Variants in EYS observed in about 807,000 individuals in gnomAD.
EYS encodes the protein protein eyes shut homolog.
EYS carries 250 observed loss-of-function variants against 282.1 expected under a neutral mutation model. That is an observed-to-expected ratio of 0.89 (90% CI 0.80 to 0.98). The LOEUF (loss-of-function observed/expected upper bound fraction) is 0.98, where lower values mean the gene tolerates loss of function less well. EYS is among the 50% of genes least tolerant of loss of function. The probability of loss-of-function intolerance (pLI) is 0.00; values close to 1 mark genes in which losing one functional copy is unlikely to be tolerated. For synonymous variants in EYS, 1,355 were observed against 1,282.9 expected (o/e 1.06, Z -1.20); for missense variants, 4,016 against 3,709.0 (o/e 1.08, Z -2.15).
At chr6:64,900,681 A>T (rs1248800588) in intron 18 of EYS, among the ~76,000 whole-genome samples, 1 of 152,216 alleles carries the variant, frequency 6.6e-6, no homozygotes, top group Non-Finnish European at 1.5e-5. Context: ...CCACAATGAG[A>T]TGCCATCTCA....
rs1188136137 is a variant in EYS at position 65,391,901 on chromosome 6, C to T, written c.1185-7401G>A. 3.5e-4 allele frequency among the ~76,000 whole-genome samples: 53 copies of T among 152,228 alleles called. No individual in the cohort carries two copies. In the South Asian group the frequency reaches 4.6e-3, roughly 13 times the overall value. On this transcript the variant is annotated intron_variant, in intron 7 of 42. Coordinates refer to ENST00000503581, the MANE Select transcript of EYS (RefSeq NM_001142800.2). The stretch of plus-strand genomic sequence containing the variant: ...CAAAAGAACAAAGCTGGAGGCATCA[C>T]GCTACCTGACTTCAAACTATACTAC...
At chr6:65,223,553 CA>C (rs1165168236) in intron 12 of EYS, among the ~76,000 whole-genome samples, 1 of 152,114 alleles carries the variant, frequency 6.6e-6, no homozygotes, top group Non-Finnish European at 1.5e-5. Flanking sequence ...TGACTGTTTT[CA>C]AAGACATATG....
chr6:64,127,872 T>C (rs1397492347), intron 31 of EYS, among the ~76,000 whole-genome samples: 2 of 152,118 alleles, frequency 1.3e-5, no homozygotes, highest in Non-Finnish European at 2.9e-5. Flanking sequence ...GGAAAATAAT[T>C]AGAAAGTTTA....
At chr6:65,154,800 T>C (rs926136546) in intron 12 of EYS, among the ~76,000 whole-genome samples, 1 of 151,644 alleles carries the variant, frequency 6.6e-6, no homozygotes, top group African/African-American at 2.4e-5. Context: ...TCAGGATATG[T>C]AATTATACTG....
intron 13 of EYS, among the ~76,000 whole-genome samples, chr6:65,032,175 C>T (rs190587648): frequency 1.2e-4 from 18 of 152,162 alleles, no homozygotes; most frequent in African/African-American, 4.1e-4. Flanking sequence ...CATACAACCT[C>T]CCAAGATTAA....
chr6:64,995,908 G>A (rs1771244824), intron 14 of EYS, among the ~76,000 whole-genome samples: 1 of 152,112 alleles, frequency 6.6e-6, no homozygotes, highest in Non-Finnish European at 1.5e-5. Context: ...CTTGTCAAAT[G>A]ACTGGCTTAA....
intron 16 of EYS, among the ~76,000 whole-genome samples, chr6:64,906,181 A>G (rs1054835601): frequency 1.5e-4 from 22 of 151,678 alleles, no homozygotes; most frequent in Non-Finnish European, 2.8e-4. Flanking sequence ...GAAATTCTTT[A>G]AATTTAACTT....
At chr6:65,437,855 TTTTTC>T (rs141424592) in intron 5 of EYS, among the ~76,000 whole-genome samples, 28,065 of 151,926 alleles carry the variant, frequency 0.18, 3,210 homozygotes, top group Middle Eastern at 0.3. Context: ...TTTATTTCAG[TTTTTC>T]TTTTTTTCAA....
intron 31 of EYS, among the ~76,000 whole-genome samples, chr6:64,160,478 T>C (rs1775070192): frequency 6.6e-6 from 1 of 152,218 alleles, no homozygotes; most frequent in Non-Finnish European, 1.5e-5. Context: ...AATTCACTTG[T>C]ATTTAGTCTT....
chr6:65,119,966 C>T (rs1775483492), intron 12 of EYS, among the ~76,000 whole-genome samples: 1 of 151,072 alleles, frequency 6.6e-6, no homozygotes, highest in South Asian at 2.1e-4. Flanking sequence ...TGAAACCTAC[C>T]CCCCCTCCCC....
intron 22 of EYS, among the ~76,000 whole-genome samples, chr6:64,736,479 C>G (rs1174082294): frequency 6.6e-6 from 1 of 152,122 alleles, no homozygotes; most frequent in African/African-American, 2.4e-5. Context: ...TGCACTAACT[C>G]TATGACTCAG....
intron 13 of EYS, among the ~76,000 whole-genome samples, chr6:65,002,196 G>T (rs916750289): frequency 6.8e-6 from 1 of 147,360 alleles, no homozygotes; most frequent in Non-Finnish European, 1.5e-5. Context: ...AAAATGACAT[G>T]AATCTTTTTT....
At chr6:63,734,450 G>A (rs1322121147) in intron 41 of EYS, among the ~76,000 whole-genome samples, 1 of 152,096 alleles carries the variant, frequency 6.6e-6, no homozygotes, top group Non-Finnish European at 1.5e-5. Context: ...TATCGCTTTG[G>A]TTGCTGCACT....
In EYS at chr6:64,241,100, G is replaced by A. The variant is rs140924509; in HGVS notation, c.6192-10276C>T. On this transcript the variant is annotated intron_variant, in intron 30 of 42. Transcript: ENST00000503581. ...ACCCTTGCATCCCAGGGATGAAGCC[G>A]ACTTGGTTGGATAAGCTTTTTGATG... Among the ~76,000 whole-genome samples, 12 of 151,838 alleles carry A rather than the reference G, an allele frequency of 7.9e-5. No homozygotes were observed. In the East Asian group the frequency reaches 1.6e-3, roughly 20 times the overall value.
intron 15 of EYS, among the ~76,000 whole-genome samples, chr6:64,934,776 G>T (rs1209341897): frequency 6.6e-6 from 1 of 151,724 alleles, no homozygotes; most frequent in African/African-American, 2.4e-5. Context: ...TAGTCCTTTA[G>T]GTTAAAATGA....
Position 65,402,537 on chromosome 6 carries a change from C to T in EYS, c.1125G>A (p.Glu375=). The T allele has an allele frequency of 2.6e-6, 4 of 1,554,558 alleles. No homozygotes were observed. Among genetic ancestry groups the T allele is most frequent in the Non-Finnish European group, 3.5e-6 (4 of 1,126,824 alleles). ...TAGCATTATTCCTCAAAGGAAATGA[C>T]TCACATGATGTTTGAATGCTCTTAC... ...LLCKSIQTSC[E]SFPLRNNATC... is the part of the protein sequence containing the mutation. The change falls in exon 7 of 43, where the codon GAG becomes GAA. Residue 375 remains glutamate (E), a synonymous_variant. Coordinates refer to ENST00000503581, the MANE Select transcript of EYS (RefSeq NM_001142800.2).
chr6:65,602,815 CT>C (rs1765656877), intron 2 of EYS, among the ~76,000 whole-genome samples: 1 of 151,824 alleles, frequency 6.6e-6, no homozygotes, highest in African/African-American at 2.4e-5. Context: ...ACAGGGAAGC[CT>C]TTTTGAAGTG....
intron 11 of EYS, chr6:65,332,159 G>T: frequency 2.1e-6 from 1 of 479,662 alleles, no homozygotes; most frequent in Non-Finnish European, 3.7e-6. Flanking sequence ...TCAGATTGTG[G>T]AAGTTCCCTT....
At chr6:64,357,882 G>A (rs1431659350) in intron 29 of EYS, among the ~76,000 whole-genome samples, 1 of 151,526 alleles carries the variant, frequency 6.6e-6, no homozygotes, top group African/African-American at 2.4e-5. Flanking sequence ...GTAGTCTAAT[G>A]CCAAGACTGA....
Sources: allele counts gnomAD v4.1 joint callset (sites outside exome capture counted in the v4.1 genomes callset), GRCh38; gene constraint gnomAD v4.1.1; transcripts MANE v1.5; gene names NCBI Gene and HGNC (gene_info 2026-07-23, HGNC 2026-07-21).